The following PLCL1 variants were observed in gnomAD, a reference collection of about 807,000 sequenced individuals.
PLCL1 encodes the protein phospholipase C like 1 (inactive), also known as inactive phospholipase C-like protein 1.
A neutral mutation model predicts 84.4 loss-of-function variants in PLCL1; 41 were observed. The ratio of observed to expected loss-of-function variants is 0.49; its 90% CI spans 0.38 to 0.63. The LOEUF (loss-of-function observed/expected upper bound fraction) is 0.63, where lower values mean the gene tolerates loss of function less well. Ranked by LOEUF, PLCL1 falls within the 30% of genes least tolerant of loss-of-function variation. The pLI is 0.00. For synonymous variants in PLCL1, 490 were observed against 488.3 expected (o/e 1.00, Z -0.05); for missense variants, 1,206 against 1,367.8 (o/e 0.88, Z 1.87).
At chr2:197,920,310 G>A (rs770928727) in intron 1 of PLCL1, among the ~76,000 whole-genome samples, 25 of 151,842 alleles carry the variant, frequency 1.6e-4, no homozygotes, top group Non-Finnish European at 3.1e-4. Context: ...TGCTTTTGAT[G>A]TTGAGTGGTT....
At chr2:198,028,661 T>TACATC (rs1691332401) in intron 1 of PLCL1, among the ~76,000 whole-genome samples, 1 of 152,214 alleles carries the variant, frequency 6.6e-6, no homozygotes, top group Non-Finnish European at 1.5e-5. Flanking sequence ...AAACCGTCTC[T>TACATC]ACATCACATC....
intron 1 of PLCL1, among the ~76,000 whole-genome samples, chr2:197,970,735 C>A (rs1312031429): frequency 6.6e-6 from 1 of 152,094 alleles, no homozygotes; most frequent in Non-Finnish European, 1.5e-5. Flanking sequence ...GAGTTGTATC[C>A]GTTTTACCTT....
intron 1 of PLCL1, among the ~76,000 whole-genome samples, chr2:197,822,116 A>T (rs1332937897): frequency 6.6e-6 from 1 of 152,116 alleles, no homozygotes; most frequent in Non-Finnish European, 1.5e-5. Flanking sequence ...TCCAAGCAAG[A>T]ACAACTTAGG....
At chr2:197,941,911 A>G (rs995548789) in intron 1 of PLCL1, among the ~76,000 whole-genome samples, 19 of 151,826 alleles carry the variant, frequency 1.3e-4, no homozygotes, top group Admixed American at 5.9e-4. Flanking sequence ...CCTGTTAGTC[A>G]TGACCTCCCA....
chr2:198,056,879 G>T (rs577434313), intron 1 of PLCL1, among the ~76,000 whole-genome samples: 81 of 152,234 alleles, frequency 5.3e-4, no homozygotes, highest in African/African-American at 1.9e-3. Context: ...GATAGCTTTA[G>T]CAGCAATGGC....
chr2:197,883,154 T>G (rs999177162), intron 1 of PLCL1, among the ~76,000 whole-genome samples: 2 of 152,192 alleles, frequency 1.3e-5, no homozygotes, highest in African/African-American at 2.4e-5. Context: ...TAAAATTTTA[T>G]CAAGCTGTTC....
chr2:197,809,210 G>A (rs1390529528), intron 1 of PLCL1, among the ~76,000 whole-genome samples: 13 of 152,142 alleles, frequency 8.5e-5, no homozygotes, highest in Admixed American at 5.9e-4. Context: ...AGGAGCTTTC[G>A]TACGTTTGTA....
chr2:197,934,183 G>A (rs1056070195), intron 1 of PLCL1, among the ~76,000 whole-genome samples: 7 of 152,282 alleles, frequency 4.6e-5, no homozygotes, highest in African/African-American at 1.7e-4. Context: ...TTGCCAGCAA[G>A]TTTTTTTGTT....
At chr2:197,925,892 G>A (rs968458227) in intron 1 of PLCL1, among the ~76,000 whole-genome samples, 3 of 152,080 alleles carry the variant, frequency 2.0e-5, no homozygotes, top group African/African-American at 7.2e-5. Context: ...ATCATATTTT[G>A]TCACTCTATT....
At chr2:198,116,161 C>T (rs1027823837) in intron 5 of PLCL1, among the ~76,000 whole-genome samples, 3 of 151,116 alleles carry the variant, frequency 2.0e-5, no homozygotes, top group African/African-American at 4.9e-5. Context: ...TTGAAAAGAT[C>T]GTGATTATGG....
chr2:198,077,294 C>G (rs1305878607), intron 1 of PLCL1, among the ~76,000 whole-genome samples: 4 of 151,990 alleles, frequency 2.6e-5, no homozygotes, highest in African/African-American at 9.7e-5. Context: ...TGTAACAAAC[C>G]TGCACGTTGT....
chr2:197,991,191 C>T (rs931692074), intron 1 of PLCL1, among the ~76,000 whole-genome samples: 7 of 152,142 alleles, frequency 4.6e-5, no homozygotes, highest in African/African-American at 9.7e-5. Flanking sequence ...CTCACCCTTT[C>T]GCTTCGTGCC....
At chr2:198,032,889 T>C (rs1380242166) in intron 1 of PLCL1, among the ~76,000 whole-genome samples, 1 of 152,160 alleles carries the variant, frequency 6.6e-6, no homozygotes, top group Non-Finnish European at 1.5e-5. Flanking sequence ...AATTAATGCA[T>C]CAGGAAATTG....
chr2:198,042,319 C>A (rs1219590509), intron 1 of PLCL1, among the ~76,000 whole-genome samples: 2 of 152,164 alleles, frequency 1.3e-5, no homozygotes, highest in Non-Finnish European at 2.9e-5. Context: ...GAGAAACCAA[C>A]CTCTGTTTAT....
chr2:198,096,883 T>G (rs1574309831), intron 3 of PLCL1, among the ~76,000 whole-genome samples: 2 of 152,306 alleles, frequency 1.3e-5, no homozygotes, highest in Admixed American at 6.5e-5. Flanking sequence ...CCAGGCATAA[T>G]GGTTGGCTTA....
intron 1 of PLCL1, among the ~76,000 whole-genome samples, chr2:197,948,956 G>A (rs756787701): frequency 3.3e-5 from 5 of 152,220 alleles, no homozygotes; most frequent in Middle Eastern, 3.4e-3. Flanking sequence ...CCTTTGTCAT[G>A]AGCCAGTATA....
intron 1 of PLCL1, among the ~76,000 whole-genome samples, chr2:198,048,524 G>A (rs1213485502): frequency 2.0e-5 from 3 of 152,212 alleles, no homozygotes; most frequent in African/African-American, 4.8e-5. Flanking sequence ...TGCTTCTGGT[G>A]AGGCCTCTGG....
At chr2:198,006,122 A>G (rs796956116) in intron 1 of PLCL1, among the ~76,000 whole-genome samples, 4 of 152,342 alleles carry the variant, frequency 2.6e-5, no homozygotes, top group African/African-American at 9.6e-5. Context: ...TTCTAGGGAA[A>G]CAACATAAAA....
At chr2:197,810,864 T>C (rs1690571396) in intron 1 of PLCL1, among the ~76,000 whole-genome samples, 1 of 78,010 alleles carries the variant, frequency 1.3e-5, no homozygotes, top group Non-Finnish European at 2.4e-5. Context: ...TGCTTAACAC[T>C]GTATATTTTA....
Sources: allele counts gnomAD v4.1 joint callset (sites outside exome capture counted in the v4.1 genomes callset), GRCh38; gene constraint gnomAD v4.1.1; transcripts MANE v1.5; gene names NCBI Gene and HGNC (gene_info 2026-07-23, HGNC 2026-07-21).